Variants in PCDHA11 observed in about 807,000 individuals in gnomAD.
PCDHA11 encodes the protein protocadherin alpha 11.
A neutral mutation model predicts 70.3 loss-of-function variants in PCDHA11; 61 were observed. That is an observed-to-expected ratio of 0.87 (90% CI 0.71 to 1.07). The LOEUF is 1.07. Among genes scored for constraint, PCDHA11 ranks in the 50% least tolerant of loss-of-function variants. The pLI is 0.00. For synonymous variants in PCDHA11, 633 were observed against 555.1 expected, an observed-to-expected ratio of 1.14 and a Z score of -1.97; for missense variants, 1,324 against 1,237.5, an observed-to-expected ratio of 1.07 and a Z score of -1.05.
chr5:141,010,373 G>A lies in PCDHA11; in HGVS notation c.*436G>A, dbSNP rs1554262916. 6.8e-7 allele frequency: 1 copy of A among 1,463,988 alleles called. No homozygotes were observed. Among genetic ancestry groups the A allele is most frequent in the Admixed American group, 2.4e-5 (1 of 41,618 alleles). The allele number at this position is 1,463,988 out of a possible 1,614,324, so 90.7% of individuals were successfully genotyped here. ...GTGTGGCTACCGCGGGTATGCGAGT[G>A]CCAGATATTGGCTGAGACGAGCCAG... On this transcript the variant is annotated 3_prime_UTR_variant, in exon 4 of 4. Coordinates refer to ENST00000398640, the MANE Select transcript of PCDHA11 (RefSeq NM_018902.5).
chr5:140,869,587 A>G lies in PCDHA11; in HGVS notation c.484A>G (p.Ile162Val), dbSNP rs1581901588. 1 of 1,614,158 alleles carries G rather than the reference A, an allele frequency of 6.2e-7. No individual in the cohort carries two copies. Among genetic ancestry groups the G allele is most frequent in the African/African-American group, 1.3e-5 (1 of 75,072 alleles). ...FPLEGASDAD[I>V]EENALLTYRL... ...ACTAGAGGGAGCTTCTGATGCTGAC[A>G]TTGAAGAGAATGCTCTATTGACCTA... is the stretch of plus-strand genomic sequence containing the variant. Residue 162 changes from isoleucine to valine, a missense_variant, in exon 1 of 4, where the codon ATT becomes GTT. By Grantham distance (29) the Ile-to-Val change is conservative. Coordinates refer to ENST00000398640, the MANE Select transcript of PCDHA11 (RefSeq NM_018902.5).
chr5:140,914,073 C>G (rs1314205032), intron 1 of PCDHA11, among the ~76,000 whole-genome samples: 1 of 152,122 alleles, frequency 6.6e-6, no homozygotes, highest in Non-Finnish European at 1.5e-5. Flanking sequence ...TGCTCCATAA[C>G]TATCTATTAG....
intron 1 of PCDHA11, among the ~76,000 whole-genome samples, chr5:140,958,679 A>G (rs1317780380): frequency 6.6e-6 from 1 of 152,200 alleles, no homozygotes; most frequent in Non-Finnish European, 1.5e-5. Context: ...ATTATAAAGG[A>G]TATTGAATAT....
In PCDHA11 at chr5:140,883,821, A is replaced by G. The variant is rs376667172; in HGVS notation, c.2391+12327A>G. 3 of 1,612,334 alleles carry G rather than the reference A, an allele frequency of 1.9e-6. No homozygotes were observed. Among genetic ancestry groups the G allele is most frequent in the Non-Finnish European group, 2.5e-6 (3 of 1,179,764 alleles). The stretch of plus-strand genomic sequence containing the variant: ...GTGCACGCGGAGAGCGGCAAGGTGT[A>G]CGCGCTGCAGCCGTTGGACCACGAG... On this transcript the variant is annotated intron_variant, in intron 1 of 3. Coordinates refer to ENST00000398640, the MANE Select transcript of PCDHA11 (RefSeq NM_018902.5).
intron 1 of PCDHA11, chr5:140,928,636 A>G: frequency 6.2e-7 from 1 of 1,614,206 alleles, no homozygotes; most frequent in Non-Finnish European, 8.5e-7. Context: ...CTTGGTCACA[A>G]AAGTGGTAGC....
intron 1 of PCDHA11, chr5:140,875,896 G>C (rs1183868015): frequency 6.2e-7 from 1 of 1,614,078 alleles, no homozygotes; most frequent in African/African-American, 1.3e-5. Context: ...AAAGGTACCT[G>C]TTTCTGAATC....
intron 3 of PCDHA11, among the ~76,000 whole-genome samples, chr5:140,987,711 T>C (rs2097265419): frequency 6.6e-6 from 1 of 152,208 alleles, no homozygotes; most frequent in South Asian, 2.1e-4. Flanking sequence ...TTTCCAGGTA[T>C]GAGTCTATCC....
intron 1 of PCDHA11, among the ~76,000 whole-genome samples, chr5:140,962,346 TC>T (rs35212677): frequency 6.6e-6 from 1 of 152,108 alleles, no homozygotes; most frequent in Non-Finnish European, 1.5e-5. Flanking sequence ...GAAGTAAAAC[TC>T]CCCCCAATAC....
chr5:141,003,574 A>C (rs559561339), intron 3 of PCDHA11, among the ~76,000 whole-genome samples: 9 of 151,680 alleles, frequency 5.9e-5, no homozygotes, highest in African/African-American at 2.2e-4. Context: ...CAGACTCCCA[A>C]AGTGCTGGGA....
intron 1 of PCDHA11, among the ~76,000 whole-genome samples, chr5:140,959,240 G>A (rs1554223957): frequency 1.3e-5 from 2 of 152,074 alleles, no homozygotes; most frequent in African/African-American, 4.8e-5. Flanking sequence ...ATCTGGGCAT[G>A]ATAGTGCATG....
At position 140,972,813 on chromosome 5, in the gene PCDHA11, G is replaced by A. The variant is rs559474622; in HGVS notation, c.2392-6136G>A. Reference sequence around the variant, plus strand: ...TGAGTAGCTGAGATTACAGGCACGCGCCACCACGCCTGGCTAATTTTTGTA... The same window carrying A: ...TGAGTAGCTGAGATTACAGGCACGCACCACCACGCCTGGCTAATTTTTGTA... On this transcript the variant is annotated intron_variant, in intron 1 of 3. Transcript: ENST00000398640. Among the ~76,000 whole-genome samples, 11 of 151,984 alleles carry A rather than the reference G, an allele frequency of 7.2e-5. No individual in the cohort carries two copies. In the East Asian group the frequency reaches 1.2e-3, roughly 16 times the overall value.
rs2052511877 is a variant in PCDHA11, at chr5:140,870,894, T to C, written c.1791T>C (p.Asp597=). ...GHVVAKVRAV[D]ADSGYNAWLS... is the part of the protein sequence containing the mutation. The stretch of plus-strand genomic sequence containing the variant: ...TGGTGGCGAAGGTGCGCGCAGTGGA[T>C]GCGGACTCAGGCTACAACGCGTGGC... The change falls in exon 1 of 4, where the codon GAT becomes GAC. Residue 597 remains aspartate (D), a synonymous_variant. Transcript: ENST00000398640. The C allele has an allele frequency of 1.2e-6, 2 of 1,613,938 alleles. No homozygotes were observed. The highest frequency in any genetic ancestry group is 2.2e-5 in the East Asian group (1 of 44,862).
chr5:140,982,612 C>T, intron 3 of PCDHA11, 49 bp downstream of exon 3: 2 of 1,599,360 alleles, frequency 1.3e-6, no homozygotes, highest in Non-Finnish European at 1.7e-6. Context: ...GGAAAGTGAT[C>T]AGATGACCTA....
intron 1 of PCDHA11, among the ~76,000 whole-genome samples, chr5:140,922,316 A>T (rs983729529): frequency 6.6e-6 from 1 of 152,248 alleles, no homozygotes; most frequent in Non-Finnish European, 1.5e-5. Flanking sequence ...TTCACTGAAG[A>T]TCTTGGAAAG....
At chr5:140,980,722 A>G (rs1318137295) in intron 2 of PCDHA11, among the ~76,000 whole-genome samples, 1 of 152,356 alleles carries the variant, frequency 6.6e-6, no homozygotes, top group South Asian at 2.1e-4. Context: ...TCGGGTTTCA[A>G]TTAAGATATT....
intron 1 of PCDHA11, chr5:140,968,168 A>T (rs145694919): frequency 3.1e-6 from 5 of 1,614,098 alleles, no homozygotes; most frequent in Non-Finnish European, 4.2e-6. Context: ...CAATCCACCA[A>T]GCTTCCTGGA....
chr5:140,871,565 G>T, intron 1 of PCDHA11, 71 bp downstream of exon 1: 2 of 1,483,114 alleles, frequency 1.3e-6, no homozygotes, highest in South Asian at 2.7e-5. Context: ...TTTTTTTCAC[G>T]GATTTTTTAA....
rs550197512 is a variant in PCDHA11, at chr5:140,883,885, C to G, written c.2391+12391C>G. On this transcript the variant is annotated intron_variant, in intron 1 of 3. Coordinates refer to ENST00000398640, the MANE Select transcript of PCDHA11 (RefSeq NM_018902.5). ...TGCAGTTCCAGGTGAGCGCGCGCGA[C>G]TCTGGCGTGCCGCCTCTGGGCAGCA... The G allele has an allele frequency of 6.1e-5, 99 of 1,613,382 alleles. No homozygotes were observed. Among genetic ancestry groups the G allele is most frequent in the East Asian group, 1.6e-4 (7 of 44,866 alleles).
chr5:140,899,584 G>A (rs2153464513), intron 1 of PCDHA11, among the ~76,000 whole-genome samples: 1 of 152,292 alleles, frequency 6.6e-6, no homozygotes, highest in African/African-American at 2.4e-5. Flanking sequence ...CGGTTTGCCA[G>A]TATTTTATTG....
Sources: allele counts gnomAD v4.1 joint callset (sites outside exome capture counted in the v4.1 genomes callset), GRCh38; gene constraint gnomAD v4.1.1; transcripts MANE v1.5; gene names NCBI Gene and HGNC (gene_info 2026-07-23, HGNC 2026-07-21).